ARMH4: variants seen among roughly 807,000 people sequenced by gnomAD.
ARMH4 encodes armadillo-like helical domain-containing protein 4.
In ARMH4, 49 loss-of-function variants were observed where a neutral mutation model predicts 61.9. That is an observed-to-expected ratio of 0.79 (90% CI 0.63 to 1.00). The LOEUF is 1.00. Among genes scored for constraint, ARMH4 ranks in the 50% least tolerant of loss-of-function variants. The pLI, the probability that ARMH4 is intolerant of heterozygous loss-of-function variation, is 0.00. For missense variants in ARMH4, 934 were observed against 930.0 expected (o/e 1.00, Z -0.06); for synonymous variants, 368 against 341.5 (o/e 1.08, Z -0.85).
intron 5 of ARMH4, among the ~76,000 whole-genome samples, chr14:58,026,237 C>A (rs1004847371): frequency 6.6e-6 from 1 of 151,898 alleles, no homozygotes; most frequent in Non-Finnish European, 1.5e-5. Context: ...CTTCCTTTTT[C>A]TTCCCAAAAA....
chr14:58,103,341 A>C (rs1024621137), intron 4 of ARMH4, among the ~76,000 whole-genome samples: 2 of 152,096 alleles, frequency 1.3e-5, no homozygotes, highest in African/African-American at 4.8e-5. Flanking sequence ...TTGGAAATTA[A>C]TAGATTGGTG....
At chr14:58,048,554 G>A (rs1004889522) in intron 5 of ARMH4, among the ~76,000 whole-genome samples, 5 of 152,154 alleles carry the variant, frequency 3.3e-5, no homozygotes, top group Admixed American at 2.0e-4. Flanking sequence ...CACCTTGGCA[G>A]TCAGCACTTT....
intron 5 of ARMH4, among the ~76,000 whole-genome samples, chr14:58,056,318 A>T (rs1884347717): frequency 6.6e-6 from 1 of 152,236 alleles, no homozygotes; most frequent in Non-Finnish European, 1.5e-5. Context: ...GTTCCAAATT[A>T]TTCATATTCA....
At chr14:58,147,639 A>G (rs562109087) in intron 1 of ARMH4, among the ~76,000 whole-genome samples, 6 of 152,136 alleles carry the variant, frequency 3.9e-5, no homozygotes, top group South Asian at 2.1e-4. Flanking sequence ...TAAAAATTGC[A>G]ATAATCAATC....
At chr14:58,031,184 T>C (rs1190199605) in intron 5 of ARMH4, among the ~76,000 whole-genome samples, 2 of 152,298 alleles carry the variant, frequency 1.3e-5, no homozygotes, top group Middle Eastern at 3.4e-3. Context: ...AGAAATTGAA[T>C]TGTGTTTCTT....
At chr14:58,131,371 A>C in intron 4 of ARMH4, 141 bp downstream of exon 4, 1 of 579,392 alleles carries the variant, frequency 1.7e-6, no homozygotes. Flanking sequence ...GTGGCAGGCC[A>C]GATTTGGCCC....
chr14:58,055,651 T>C (rs1884325542), intron 5 of ARMH4, among the ~76,000 whole-genome samples: 1 of 152,176 alleles, frequency 6.6e-6, no homozygotes, highest in African/African-American at 2.4e-5. Context: ...CTTGTTAAAA[T>C]GCAGAATCTC....
At chr14:58,058,176 G>C (rs1212931099) in intron 5 of ARMH4, among the ~76,000 whole-genome samples, 5 of 152,104 alleles carry the variant, frequency 3.3e-5, no homozygotes, top group Admixed American at 1.3e-4. Context: ...AAATGGTGTA[G>C]TATTTGCATG....
intron 1 of ARMH4, among the ~76,000 whole-genome samples, chr14:58,150,535 C>T (rs114610859): frequency 1.7e-3 from 259 of 152,202 alleles, no homozygotes; most frequent in African/African-American, 6.1e-3. Context: ...TTCCGTAATA[C>T]CAAATTATAA....
intron 6 of ARMH4, 88 bp from the exon 7 acceptor site, chr14:58,005,270 T>TA (rs1882123609): frequency 6.5e-7 from 1 of 1,545,232 alleles, no homozygotes; most frequent in South Asian, 1.2e-5. Flanking sequence ...AGCAGGTTTT[T>TA]AGACACTTTG....
At chr14:58,015,114 A>G (rs2095006595) in intron 5 of ARMH4, among the ~76,000 whole-genome samples, 1 of 152,212 alleles carries the variant, frequency 6.6e-6, no homozygotes, top group Non-Finnish European at 1.5e-5. Flanking sequence ...GGCCTTATCA[A>G]TCCAGGCTTC....
intron 1 of ARMH4, among the ~76,000 whole-genome samples, chr14:58,142,498 CTTTTT>C (rs2139992047): frequency 6.8e-6 from 1 of 147,792 alleles, no homozygotes; most frequent in Admixed American, 6.8e-5. Context: ...TTTTTCTTTT[CTTTTT>C]GAGATGGAGT....
Position 58,138,437 on chromosome 14 carries a change from A to C in ARMH4, c.922T>G (p.Ser308Ala), listed in dbSNP as rs1161253826. 6.2e-7 allele frequency: 1 copy of C among 1,614,236 alleles called. No homozygotes were observed. Among genetic ancestry groups the C allele is most frequent in the East Asian group, 2.2e-5 (1 of 44,882 alleles). ...VSVSTAVPAA[S>A]ALSDEWDDTK... ...TCATCCCACTCATCACTTAAGGCAG[A>C]GGCAGCTGGAACAGCTGTGCTGACA... is the stretch of plus-strand genomic sequence containing the variant. The change falls in exon 2 of 8, where the codon TCT (serine) becomes GCT (alanine). Residue 308 changes from serine to alanine, a missense_variant. By Grantham distance (99) the Ser-to-Ala change is moderately conservative. Coordinates refer to ENST00000267485, the MANE Select transcript of ARMH4 (RefSeq NM_001001872.4).
At chr14:58,040,690 T>C (rs539592176) in intron 5 of ARMH4, among the ~76,000 whole-genome samples, 1 of 152,256 alleles carries the variant, frequency 6.6e-6, no homozygotes, top group Non-Finnish European at 1.5e-5. Flanking sequence ...AGTAATGGAA[T>C]TGCTGGGTCA....
rs1443791852 is a variant in ARMH4 at position 58,004,525 on chromosome 14, A to G, written c.*211T>C. The G allele has an allele frequency of 9.4e-6, 4 of 426,912 alleles. No individual in the cohort carries two copies. The highest frequency in any genetic ancestry group is 8.5e-6 in the Non-Finnish European group (2 of 236,060). The allele number at this position is 426,912 out of a possible 1,614,324, so 26.4% of individuals were successfully genotyped here. A position where few individuals can be genotyped will look rare whatever the true frequency, so the allele number is the denominator to read the frequency against. ...CCCACGGTTGTGGAAAATTCACTAC[A>G]GAATAAAACCAAATACTGCATGATA... On this transcript the variant is annotated 3_prime_UTR_variant, in exon 8 of 8. Coordinates refer to ENST00000267485, the MANE Select transcript of ARMH4 (RefSeq NM_001001872.4).
chr14:58,097,992 G>A (rs1885816348), intron 4 of ARMH4, among the ~76,000 whole-genome samples: 1 of 152,096 alleles, frequency 6.6e-6, no homozygotes, highest in Non-Finnish European at 1.5e-5. Context: ...CCTCACCATG[G>A]ATGCACCTCT....
chr14:58,023,963 A>C (rs1465359702), intron 5 of ARMH4, among the ~76,000 whole-genome samples: 3 of 152,162 alleles, frequency 2.0e-5, no homozygotes, highest in African/African-American at 7.2e-5. Context: ...AACATGTTGT[A>C]AACAGATGTG....
chr14:58,141,494 G>A (rs752122839), intron 1 of ARMH4: 15 of 539,772 alleles, frequency 2.8e-5, no homozygotes, highest in Admixed American at 1.6e-4. Context: ...CTGGTGCTGC[G>A]CCTGCGAGGT....
intron 5 of ARMH4, among the ~76,000 whole-genome samples, chr14:58,061,974 CT>C (rs1884545347): frequency 7.8e-6 from 1 of 128,008 alleles, no homozygotes; most frequent in Non-Finnish European, 1.8e-5. Context: ...CCCATTTTAT[CT>C]TTAAAAAAAA....
Sources: gnomAD v4.1 joint callset for allele counts (sites outside exome capture counted in the v4.1 genomes callset) on GRCh38, gnomAD v4.1.1 for gene constraint, MANE v1.5 for transcripts, NCBI Gene and HGNC (gene_info 2026-07-23, HGNC 2026-07-21) for gene names.